The following SLC4A10 variants were observed in gnomAD, a reference collection of about 807,000 sequenced individuals.
The protein encoded by SLC4A10 is solute carrier family 4 member 10.
Under a neutral mutation model 137.7 loss-of-function variants are expected in SLC4A10, and 42 were observed. The observed-to-expected ratio is 0.30, with a 90% CI of 0.24 to 0.39. The LOEUF is 0.39. SLC4A10 is among the 10% of genes least tolerant of loss of function. The pLI is 1.00. For missense variants in SLC4A10, 925 were observed against 1,355.0 expected, an observed-to-expected ratio of 0.68 and a Z score of 4.98; for synonymous variants, 474 against 464.1, an observed-to-expected ratio of 1.02 and a Z score of -0.27.
At chr2:161,867,039 G>A (rs1031789654) in intron 6 of SLC4A10, among the ~76,000 whole-genome samples, 2 of 151,984 alleles carry the variant, frequency 1.3e-5, no homozygotes, top group Non-Finnish European at 1.5e-5. Flanking sequence ...CTCAAAAGGA[G>A]TTACAGTGCA....
At chr2:161,779,351 T>G (rs1266920344) in intron 2 of SLC4A10, among the ~76,000 whole-genome samples, 1 of 151,964 alleles carries the variant, frequency 6.6e-6, no homozygotes, top group Admixed American at 6.6e-5. Flanking sequence ...ACATGAGTTT[T>G]GGTTGGGACA....
chr2:161,863,420 G>A (rs1440943492), intron 6 of SLC4A10, among the ~76,000 whole-genome samples: 4 of 152,260 alleles, frequency 2.6e-5, no homozygotes, highest in South Asian at 2.1e-4. Flanking sequence ...TTTGACTTAC[G>A]CCATAGATGG....
intron 10 of SLC4A10, among the ~76,000 whole-genome samples, chr2:161,886,888 C>T (rs7593739): frequency 6.6e-6 from 1 of 152,112 alleles, no homozygotes; most frequent in East Asian, 1.9e-4. Context: ...GTTTGCTGCA[C>T]CCATCAACAC....
intron 22 of SLC4A10, 70 bp from the exon 23 acceptor site, chr2:161,964,981 C>T: frequency 1.4e-6 from 2 of 1,442,118 alleles, no homozygotes; most frequent in Admixed American, 2.0e-5. Flanking sequence ...TACCAAAAAC[C>T]ATACAGGCAA....
intron 3 of SLC4A10, among the ~76,000 whole-genome samples, chr2:161,806,215 C>T (rs1214290868): frequency 6.6e-6 from 1 of 152,038 alleles, no homozygotes; most frequent in African/African-American, 2.4e-5. Context: ...AGGATGGGTA[C>T]CCTGTGCCTG....
At chr2:161,797,486 AT>A (rs1490388302) in intron 2 of SLC4A10, among the ~76,000 whole-genome samples, 1 of 150,764 alleles carries the variant, frequency 6.6e-6, no homozygotes, top group African/African-American at 2.4e-5. Flanking sequence ...TGTATTTTTA[AT>A]TTGTATTGTT....
At chr2:161,846,348 A>C (rs1470201340) in intron 4 of SLC4A10, among the ~76,000 whole-genome samples, 1 of 152,188 alleles carries the variant, frequency 6.6e-6, no homozygotes, top group Non-Finnish European at 1.5e-5. Context: ...ATTTGAAAAA[A>C]CTAGATCTTT....
At chr2:161,758,465 A>G (rs1420457554) in intron 1 of SLC4A10, among the ~76,000 whole-genome samples, 1 of 152,002 alleles carries the variant, frequency 6.6e-6, no homozygotes, top group South Asian at 2.1e-4. Flanking sequence ...ATATTATTTT[A>G]TTATTTCCAC....
At chr2:161,630,315 G>A (rs1477879088) in intron 1 of SLC4A10, among the ~76,000 whole-genome samples, 2 of 151,684 alleles carry the variant, frequency 1.3e-5, no homozygotes, top group Non-Finnish European at 3.0e-5. Flanking sequence ...ATCTTTGTTT[G>A]GTTTTGGTAT....
intron 3 of SLC4A10, among the ~76,000 whole-genome samples, chr2:161,838,283 T>A (rs202124051): frequency 1.3e-5 from 2 of 150,620 alleles, no homozygotes. Flanking sequence ...ATGCAAAAAA[T>A]AAAAAAAAAC....
chr2:161,657,216 T>A (rs999925775), intron 1 of SLC4A10, among the ~76,000 whole-genome samples: 22 of 152,186 alleles, frequency 1.4e-4, no homozygotes, highest in Admixed American at 1.3e-4. Context: ...AACAAGCTTA[T>A]TCTCTGAATT....
chr2:161,777,923 A>T (rs148299359), intron 2 of SLC4A10, among the ~76,000 whole-genome samples: 22 of 152,094 alleles, frequency 1.4e-4, no homozygotes, highest in African/African-American at 5.1e-4. Context: ...GGATGCCAAC[A>T]GTTTTACTCA....
intron 1 of SLC4A10, among the ~76,000 whole-genome samples, chr2:161,733,944 A>G (rs1236173115): frequency 2.0e-5 from 3 of 152,160 alleles, no homozygotes; most frequent in African/African-American, 7.2e-5. Flanking sequence ...TGGACCCTGG[A>G]AAACCTTTGT....
intron 19 of SLC4A10, among the ~76,000 whole-genome samples, chr2:161,954,119 G>T (rs1395882288): frequency 6.6e-6 from 1 of 152,136 alleles, no homozygotes; most frequent in African/African-American, 2.4e-5. Context: ...TTGAGTAAAT[G>T]AATGCATTTG....
At chr2:161,653,225 C>T (rs1476146620) in intron 1 of SLC4A10, among the ~76,000 whole-genome samples, 2 of 152,108 alleles carry the variant, frequency 1.3e-5, no homozygotes, top group Non-Finnish European at 2.9e-5. Context: ...GTATATGTGC[C>T]ATATTTTCTT....
intron 15 of SLC4A10, among the ~76,000 whole-genome samples, chr2:161,935,050 A>G (rs766349212): frequency 2.6e-5 from 4 of 152,118 alleles, no homozygotes; most frequent in Admixed American, 6.6e-5. Context: ...TAGGTATTTA[A>G]TCCTTTTTTA....
chr2:161,684,803 A>G (rs1360836928), intron 1 of SLC4A10, among the ~76,000 whole-genome samples: 1 of 152,190 alleles, frequency 6.6e-6, no homozygotes, highest in African/African-American at 2.4e-5. Flanking sequence ...ATTTTCACAA[A>G]TTTAAGTTGA....
chr2:161,696,371 T>A (rs183482131), intron 1 of SLC4A10, among the ~76,000 whole-genome samples: 2,587 of 150,702 alleles, frequency 0.017, 71 homozygotes, highest in African/African-American at 0.059. Context: ...TAGTTACATA[T>A]GTATACATGT....
intron 1 of SLC4A10, among the ~76,000 whole-genome samples, chr2:161,663,739 C>T (rs1161347361): frequency 6.6e-6 from 1 of 151,884 alleles, no homozygotes; most frequent in East Asian, 1.9e-4. Context: ...CTTGGAGTAG[C>T]AATATAAAAT....
Sources: allele counts gnomAD v4.1 joint callset (sites outside exome capture counted in the v4.1 genomes callset), GRCh38; gene constraint gnomAD v4.1.1; transcripts MANE v1.5; gene names NCBI Gene and HGNC (gene_info 2026-07-23, HGNC 2026-07-21).